NFRKB: variants seen among roughly 807,000 people sequenced by gnomAD.
The protein encoded by NFRKB is nuclear factor related to kappa-B-binding protein.
NFRKB carries 62 observed loss-of-function variants against 135.7 expected under a neutral mutation model. The ratio of observed to expected loss-of-function variants is 0.46; its 90% CI spans 0.37 to 0.56. The LOEUF (loss-of-function observed/expected upper bound fraction) is 0.56, where lower values mean the gene tolerates loss of function less well. Among genes scored for constraint, NFRKB ranks in the 20% least tolerant of loss-of-function variants. The probability of loss-of-function intolerance (pLI) is 0.00; values close to 1 mark genes in which losing one functional copy is unlikely to be tolerated. For synonymous variants in NFRKB, 678 were observed against 635.6 expected, an observed-to-expected ratio of 1.07 and a Z score of -1.00; for missense variants, 1,545 against 1,662.0, an observed-to-expected ratio of 0.93 and a Z score of 1.22.
intron 24 of NFRKB, among the ~76,000 whole-genome samples, chr11:129,867,322 CTTTTT>C (rs894926200): frequency 3.1e-5 from 4 of 129,518 alleles, no homozygotes. Flanking sequence ...CTAAGTAACT[CTTTTT>C]TTTTTTTTTT....
chr11:129,882,526 G>A lies in NFRKB; in HGVS notation c.1007C>T (p.Pro336Leu), dbSNP rs778069780. 9 of 1,613,880 alleles carry A rather than the reference G, an allele frequency of 5.6e-6. No individual in the cohort carries two copies. The highest frequency in any genetic ancestry group is 2.7e-5 in the African/African-American group (2 of 74,892). The stretch of plus-strand genomic sequence containing the variant: ...TGCGACCCCTTCAGTACTGCTTAGC[G>A]GCTCGGCCAGGTCCTCTGCCTCTGA... ...IKSEAEDLAE[P>L]LSSTEGVAPL... Residue 336 changes from proline to leucine, a missense_variant, in exon 10 of 27, where the codon CCG (proline) becomes CTG (leucine). This residue lies in a region of NFRKB where 678 missense variants were observed against 646.7 expected (regional missense o/e 1.05). Transcript: ENST00000682444.
At chr11:129,867,405 A>G (rs1240548074) in intron 24 of NFRKB, among the ~76,000 whole-genome samples, 1 of 138,154 alleles carries the variant, frequency 7.2e-6, no homozygotes, top group African/African-American at 2.8e-5. Context: ...GGCTCACTGC[A>G]ACCCGGGTTC....
At position 129,874,423 on chromosome 11, in the gene NFRKB, A is replaced by C; in HGVS notation, c.2058+78T>G. 1 of 1,554,836 alleles carries C rather than the reference A, an allele frequency of 6.4e-7. No individual in the cohort carries two copies. Among genetic ancestry groups the C allele is most frequent in the Non-Finnish European group, 8.7e-7 (1 of 1,151,976 alleles). On this transcript the variant is annotated intron_variant, in intron 20 of 26. Transcript: ENST00000682444. This position sits in a 1 kb window ranked among gnomAD's most constrained non-coding sequence, Gnocchi z 4.5. ...CCTACAGCTCCTGATGCCCCACACCAAGTGAAAGCCGAGCAGCCACTCTTA... is the reference window on the plus strand; with the variant it reads ...CCTACAGCTCCTGATGCCCCACACCCAGTGAAAGCCGAGCAGCCACTCTTA...
intron 10 of NFRKB, 124 bp downstream of exon 10, chr11:129,882,327 T>A (rs1337253121): frequency 6.7e-6 from 9 of 1,335,864 alleles, no homozygotes; most frequent in Non-Finnish European, 9.3e-6. Flanking sequence ...CCCAGCAGTA[T>A]CCCTGGGACT....
rs147580505 is a variant in NFRKB, at chr11:129,884,762, G to A, written c.725C>T (p.Thr242Met). The part of the protein sequence containing the change: ...PLRVVPTLST[T>M]DMKTADKVEL... Reference sequence around the variant, plus strand: ...GTTCTCACCTGCAGTTTTCATATCCGTGGTTGAAAGTGTGGGCACCACCCG... The same window carrying A: ...GTTCTCACCTGCAGTTTTCATATCCATGGTTGAAAGTGTGGGCACCACCCG... The change falls in exon 7 of 27, where the codon ACG becomes ATG. Residue 242 changes from threonine (T) to methionine (M), a missense_variant. Thr to Met is a moderately conservative substitution (Grantham distance 81). Around this residue, in one of 3 missense-constraint regions of NFRKB, gnomAD observed 678 missense variants for 646.7 expected, o/e 1.05. Transcript: ENST00000682444. The A allele has an allele frequency of 4.0e-5, 64 of 1,614,032 alleles. No homozygotes were observed. In the African/African-American group the frequency reaches 6.4e-4, roughly 16 times the overall value.
At chr11:129,893,698 C>T (rs1218651401) in intron 2 of NFRKB, among the ~76,000 whole-genome samples, 2 of 152,140 alleles carry the variant, frequency 1.3e-5, no homozygotes, top group Admixed American at 6.6e-5. Context: ...AAAGCCAGGC[C>T]TTTCACATAT....
At chr11:129,879,160 G>T (rs1948911978) in intron 13 of NFRKB, among the ~76,000 whole-genome samples, 1 of 152,158 alleles carries the variant, frequency 6.6e-6, no homozygotes, top group Non-Finnish European at 1.5e-5. Flanking sequence ...AGAAGCCACA[G>T]GACCATCATC....
Position 129,870,216 on chromosome 11 carries a change from T to C in NFRKB, c.2809A>G (p.Ser937Gly). The C allele has an allele frequency of 6.2e-7, 1 of 1,614,218 alleles. No individual in the cohort carries two copies. Among genetic ancestry groups the C allele is most frequent in the Non-Finnish European group, 8.5e-7 (1 of 1,180,026 alleles). Reference sequence around the variant, plus strand: ...AAGTTAGTGGCTGTGAGTGGAATGCTGTTGCCTGTTTGGGGCTTCACACCA... The same window carrying C: ...AAGTTAGTGGCTGTGAGTGGAATGCCGTTGCCTGTTTGGGGCTTCACACCA... ...QLGVKPQTGN[S>G]IPLTATNFRI... is the part of the protein sequence containing the mutation. Residue 937 changes from serine to glycine, a missense_variant, in exon 24 of 27, where the codon AGC (serine) becomes GGC (glycine). Coordinates refer to ENST00000682444, the MANE Select transcript of NFRKB (RefSeq NM_001143835.2).
At chr11:129,888,920 T>G in intron 3 of NFRKB, 125 bp from the exon 4 acceptor site, 1 of 668,738 alleles carries the variant, frequency 1.5e-6, no homozygotes, top group Non-Finnish European at 2.5e-6. Flanking sequence ...AAGTGTAGAC[T>G]TCAGTGGCCT....
In NFRKB at chr11:129,875,347, T is replaced by C; in HGVS notation, c.1854+10A>G. ...GGAACAAAGCAAAAGTAATCTCTTC[T>C]CCGTCCTACCTGAGTGCTGGTGACA... On this transcript the variant is annotated intron_variant, in intron 18 of 26. Coordinates refer to ENST00000682444, the MANE Select transcript of NFRKB (RefSeq NM_001143835.2). 1 of 1,599,174 alleles carries C rather than the reference T, an allele frequency of 6.3e-7. No homozygotes were observed. Among genetic ancestry groups the C allele is most frequent in the East Asian group, 2.2e-5 (1 of 44,758 alleles).
At position 129,864,620 on chromosome 11, in the gene NFRKB, C is replaced by G. The variant is rs900909636; in HGVS notation, c.*105G>C. The G allele has an allele frequency of 1.7e-5, 26 of 1,514,770 alleles. No homozygotes were observed. Among genetic ancestry groups the G allele is most frequent in the Non-Finnish European group, 2.3e-5 (26 of 1,112,814 alleles). The allele number at this position is 1,514,770 out of a possible 1,614,324, so 93.8% of individuals were successfully genotyped here. ...ACCGTTGCCATCACCCCTCGCCTGG[C>G]TGCCTTGAACAGGCAAGCTTAAAAC... On this transcript the variant is annotated 3_prime_UTR_variant, in exon 27 of 27. Transcript: ENST00000682444.
intron 7 of NFRKB, among the ~76,000 whole-genome samples, chr11:129,884,429 C>G (rs902191828): frequency 6.6e-6 from 1 of 152,210 alleles, no homozygotes; most frequent in Non-Finnish European, 1.5e-5. Context: ...CTCTGGAGAA[C>G]GGCTTGGCTC....
chr11:129,877,539 C>T (rs187908878), intron 15 of NFRKB, among the ~76,000 whole-genome samples, 154 bp from the exon 16 acceptor site: 45 of 152,338 alleles, frequency 3.0e-4, no homozygotes, highest in African/African-American at 1.0e-3. Flanking sequence ...CTTCCAGCTC[C>T]TACGAAGTAA....
At chr11:129,877,485 G>T in intron 15 of NFRKB, 100 bp from the exon 16 acceptor site, 1 of 1,114,230 alleles carries the variant, frequency 9.0e-7, no homozygotes, top group Non-Finnish European at 1.4e-6. Flanking sequence ...ATGGAAAGAT[G>T]TCCCTCAAGA....
rs531332073 is a variant in NFRKB at position 129,876,794 on chromosome 11, G to C, written c.1674C>G (p.Thr558=). 1.3e-4 allele frequency: 210 copies of C among 1,614,134 alleles called. 1 individual carries two copies. In the South Asian group the frequency reaches 2.2e-3, roughly 17 times the overall value. Residue 558 remains threonine, a synonymous_variant, in exon 17 of 27, where the codon ACC becomes ACG. Coordinates refer to ENST00000682444, the MANE Select transcript of NFRKB (RefSeq NM_001143835.2). ...GPVKGVFDKE[T]SLNKAREHSL... ...AGTGCTCCCGAGCCTTGTTGAGCGA[G>C]GTCTCCTTGTCAAACACGCCCTTCA...
chr11:129,865,693 A>C (rs1205146741), intron 25 of NFRKB, among the ~76,000 whole-genome samples, 184 bp downstream of exon 25: 1 of 152,172 alleles, frequency 6.6e-6, no homozygotes, highest in Non-Finnish European at 1.5e-5. Context: ...CATCTGTTTT[A>C]ATCACTGCAC....
Position 129,870,250 on chromosome 11 carries a change from A to G in NFRKB, c.2775T>C (p.Thr925=), listed in dbSNP as rs781288886. ...GQNIIKQVAI[T]GQLGVKPQTG... ...TTTGGGGCTTCACACCAAGCTGCCCAGTGATTGCCACCTGAATGGGGAGAA... is the reference window on the plus strand; with the variant it reads ...TTTGGGGCTTCACACCAAGCTGCCCGGTGATTGCCACCTGAATGGGGAGAA... The change falls in exon 24 of 27, where the codon ACT becomes ACC. Residue 925 remains threonine, a synonymous_variant. Coordinates refer to ENST00000682444, the MANE Select transcript of NFRKB (RefSeq NM_001143835.2). 6.2e-7 allele frequency: 1 copy of G among 1,612,440 alleles called. No individual in the cohort carries two copies. Among genetic ancestry groups the G allele is most frequent in the Admixed American group, 1.7e-5 (1 of 59,990 alleles).
intron 4 of NFRKB, among the ~76,000 whole-genome samples, chr11:129,887,624 C>T (rs891067828): frequency 2.0e-5 from 3 of 152,152 alleles, no homozygotes; most frequent in Non-Finnish European, 4.4e-5. Flanking sequence ...AGGGGCAAAG[C>T]GCCCTACCTA....
In NFRKB at chr11:129,873,975, T is replaced by C; in HGVS notation, c.2320A>G (p.Thr774Ala). The C allele has an allele frequency of 1.2e-6, 2 of 1,612,898 alleles. No homozygotes were observed. Among genetic ancestry groups the C allele is most frequent in the South Asian group, 2.2e-5 (2 of 91,080 alleles). The change falls in exon 22 of 27, where the codon ACA (threonine) becomes GCA (alanine). Residue 774 changes from threonine to alanine, a missense_variant. Coordinates refer to ENST00000682444, the MANE Select transcript of NFRKB (RefSeq NM_001143835.2). ...TGGCTGGAAGCTGGGGAAAGCATTG[T>C]TCCCAGATGTGGCATTGTTGGTGAA... ...VSSPTMPHLGTMLSPASSQTA... is the reference protein window; with the variant it reads ...VSSPTMPHLGAMLSPASSQTA...
Sources: gnomAD v4.1 joint callset for allele counts (sites outside exome capture counted in the v4.1 genomes callset) on GRCh38, gnomAD v4.1.1 for gene constraint, gnomAD v4.1.1 regional missense constraint, Gnocchi (gnomAD v3.1) non-coding constraint, MANE v1.5 for transcripts, NCBI Gene and HGNC (gene_info 2026-07-23, HGNC 2026-07-21) for gene names.